Variants in PRELP observed in about 807,000 individuals in gnomAD.
PRELP encodes the protein prolargin.
A neutral mutation model predicts 22.8 loss-of-function variants in PRELP; 16 were observed. The ratio of observed to expected loss-of-function variants is 0.70; its 90% CI spans 0.47 to 1.06. PRELP has a LOEUF of 1.06. Among genes scored for constraint, PRELP ranks in the 50% least tolerant of loss-of-function variants. PRELP has a pLI of 0.00. For synonymous variants in PRELP, 233 were observed against 211.4 expected, an observed-to-expected ratio of 1.10 and a Z score of -0.89; for missense variants, 434 against 485.2, an observed-to-expected ratio of 0.89 and a Z score of 0.99.
At chr1:203,484,656 C>T (rs949671058) in intron 2 of PRELP, among the ~76,000 whole-genome samples, 1 of 152,216 alleles carries the variant, frequency 6.6e-6, no homozygotes, top group Non-Finnish European at 1.5e-5. Context: ...AAGCCTGAGC[C>T]TGGGTTTTGA....
In PRELP at chr1:203,491,022, G is replaced by A. The variant is rs1480183876; in HGVS notation, c.*4141G>A. On this transcript the variant is annotated 3_prime_UTR_variant, in exon 3 of 3. Transcript: ENST00000343110. This position sits in a 1 kb window ranked among gnomAD's most constrained non-coding sequence, Gnocchi z 4.4. ...CAAGCTAAGCCATCATATCCCCTGT[G>A]ACCTGCATGTGCACATCCAGACGGC... is the stretch of plus-strand genomic sequence containing the variant. 2.0e-5 allele frequency: 3 copies of A among 152,434 alleles called. No homozygotes were observed. The highest frequency in any genetic ancestry group is 1.3e-4 in the Admixed American group (2 of 15,286). The allele number at this position is 152,434 out of a possible 1,614,324, so 9.4% of individuals were successfully genotyped here.
intron 2 of PRELP, 49 bp downstream of exon 2, chr1:203,484,206 TGTAGCACTTCCACCCTCTCTAGGGAGA>T: frequency 6.3e-7 from 1 of 1,581,852 alleles, no homozygotes; most frequent in Non-Finnish European, 8.6e-7. Flanking sequence ...GGTTGGCTTG[TGTAGCACTTCCACCCTCTCTAGGGAGA>T]CTCAGGGTGG....
chr1:203,480,301 T>C (rs559343368), intron 1 of PRELP, among the ~76,000 whole-genome samples: 1 of 152,292 alleles, frequency 6.6e-6, no homozygotes, highest in South Asian at 2.1e-4. Flanking sequence ...AGTAGAAAGC[T>C]GTGGGTGGAG....
In PRELP at chr1:203,486,626, G is replaced by A. The variant is rs2233731; in HGVS notation, c.974-80G>A. On this transcript the variant is annotated intron_variant, in intron 2 of 2. Transcript: ENST00000343110. ...AGAGAAGTCTACAGTCCTTGCTCTC[G>A]GGTGTCTTCCCCCTTCCCCTTCCTC... The A allele has an allele frequency of 0.058, 79,246 of 1,374,428 alleles. 3,803 individuals are homozygous for A. The highest frequency in any genetic ancestry group is 0.21 in the Admixed American group (11,252 of 54,656). 85.1% of individuals were successfully genotyped at this position (1,374,428 alleles called of 1,614,324 possible). A position where few individuals can be genotyped will look rare whatever the true frequency, so the allele number is the denominator to read the frequency against.
At chr1:203,486,485 G>C (rs901556881) in intron 2 of PRELP, among the ~76,000 whole-genome samples, 2 of 152,184 alleles carry the variant, frequency 1.3e-5, no homozygotes, top group Non-Finnish European at 2.9e-5. Context: ...GAGTTAACTT[G>C]CAATAACAGT....
rs1225850900 is a variant in PRELP, at chr1:203,483,573, G to A, written c.389G>A (p.Trp130Ter). Residue 130 changes from tryptophan (W) to a stop codon, truncating the protein, a stop_gained, in exon 2 of 3, where the codon TGG (tryptophan) becomes TAG (stop). Transcript: ENST00000343110. LOFTEE classifies it high-confidence loss of function. This position sits in a 1 kb window ranked among gnomAD's most constrained non-coding sequence, Gnocchi z 4.4. The stretch of plus-strand genomic sequence containing the variant: ...TTCCAGAATGCCACAGGCCTGCGAT[G>A]GATTAACCTGGACAACAACCGAATC... ...ESFQNATGLR[W>*]INLDNNRIRK... is the part of the protein sequence containing the mutation. 5.0e-6 allele frequency: 8 copies of A among 1,614,084 alleles called. No individual in the cohort carries two copies. The highest frequency in any genetic ancestry group is 6.8e-6 in the Non-Finnish European group (8 of 1,180,052).
intron 1 of PRELP, among the ~76,000 whole-genome samples, chr1:203,481,260 C>T (rs1041159400): frequency 6.6e-6 from 1 of 151,912 alleles, no homozygotes; most frequent in African/African-American, 2.4e-5. Flanking sequence ...ATCAGGGTCA[C>T]AAAAATTGAG....
intron 2 of PRELP, among the ~76,000 whole-genome samples, chr1:203,485,512 C>T (rs1253868946): frequency 6.6e-6 from 1 of 152,162 alleles, no homozygotes; most frequent in Non-Finnish European, 1.5e-5. Flanking sequence ...GCCACTGGTA[C>T]TGTCTTTAAA....
chr1:203,482,428 A>C, intron 1 of PRELP, among the ~76,000 whole-genome samples: 1 of 146,864 alleles, frequency 6.8e-6, no homozygotes, highest in Admixed American at 6.8e-5. Context: ...ACAGGTGTCC[A>C]ACACCACACC....
chr1:203,481,272 C>CT (rs901000922), intron 1 of PRELP, among the ~76,000 whole-genome samples: 5 of 151,916 alleles, frequency 3.3e-5, no homozygotes, highest in African/African-American at 1.2e-4. Context: ...AAAATTGAGG[C>CT]TTTTAGAAAT....
chr1:203,483,088 T>A lies in PRELP; in HGVS notation c.-16-81T>A. ...CCCATCTTCCCTAGAGCTCTAGTTC[T>A]GCCCAACTCTGGCTTCAAAAACATG... On this transcript the variant is annotated intron_variant, in intron 1 of 2. Coordinates refer to ENST00000343110, the MANE Select transcript of PRELP (RefSeq NM_002725.4). The surrounding 1 kb of genome is among the most constrained non-coding windows in gnomAD (Gnocchi z 4.4). 8.5e-7 allele frequency: 1 copy of A among 1,178,290 alleles called. No homozygotes were observed. The highest frequency in any genetic ancestry group is 1.5e-5 in the South Asian group (1 of 65,250). The allele number at this position is 1,178,290 out of a possible 1,614,324, so 73.0% of individuals were successfully genotyped here. A position where few individuals can be genotyped will look rare whatever the true frequency, so the allele number is the denominator to read the frequency against.
chr1:203,479,696 C>G (rs1474961087), intron 1 of PRELP, among the ~76,000 whole-genome samples: 3 of 111,100 alleles, frequency 2.7e-5, no homozygotes, highest in Non-Finnish European at 5.1e-5. Flanking sequence ...AAAGGGAGAC[C>G]CTGTATCACC....
rs1050083 is a variant in PRELP at position 203,486,970 on chromosome 1, T to A, written c.*89T>A. ...CGGCCATTCGTTTTCTCTCTCTCCC[T>A]TTCTTTCTCCCAGCTTTGCCTCCCT... On this transcript the variant is annotated 3_prime_UTR_variant, in exon 3 of 3. Transcript: ENST00000343110. The A allele has an allele frequency of 7.3e-7, 1 of 1,363,638 alleles. No homozygotes were observed. The highest frequency in any genetic ancestry group is 2.6e-5 in the East Asian group (1 of 38,644). 84.5% of individuals were successfully genotyped at this position (1,363,638 alleles called of 1,614,324 possible). A position where few individuals can be genotyped will look rare whatever the true frequency, so the allele number is the denominator to read the frequency against.
intron 1 of PRELP, among the ~76,000 whole-genome samples, chr1:203,481,492 G>A (rs1288366595): frequency 6.6e-6 from 1 of 152,174 alleles, no homozygotes; most frequent in African/African-American, 2.4e-5. Context: ...CTCTGACAAT[G>A]TTATATCCTT....
intron 1 of PRELP, among the ~76,000 whole-genome samples, chr1:203,481,265 A>G (rs1323730119): frequency 6.6e-6 from 1 of 152,172 alleles, no homozygotes; most frequent in Non-Finnish European, 1.5e-5. Flanking sequence ...GGTCACAAAA[A>G]TTGAGGCTTT....
chr1:203,479,673 T>C (rs975792854), intron 1 of PRELP, among the ~76,000 whole-genome samples: 11 of 122,758 alleles, frequency 9.0e-5, no homozygotes, highest in African/African-American at 3.2e-4. Context: ...TACTGCACTC[T>C]AGCCTGGTCA....
chr1:203,477,301 C>T (rs1463290277), intron 1 of PRELP, among the ~76,000 whole-genome samples: 9 of 152,128 alleles, frequency 5.9e-5, no homozygotes, highest in East Asian at 1.9e-4. Flanking sequence ...CCCAAGACTC[C>T]GGCAGTGTTA....
chr1:203,485,441 A>G (rs1276689649), intron 2 of PRELP, among the ~76,000 whole-genome samples: 1 of 152,146 alleles, frequency 6.6e-6, no homozygotes, highest in Non-Finnish European at 1.5e-5. Flanking sequence ...ACCCGACAGA[A>G]TGGGCTGAGT....
Position 203,483,564 on chromosome 1 carries a change from G to A in PRELP, c.380G>A (p.Gly127Asp). 6.2e-7 allele frequency: 1 copy of A among 1,614,202 alleles called. No homozygotes were observed. Among genetic ancestry groups the A allele is most frequent in the South Asian group, 1.1e-5 (1 of 91,080 alleles). The change falls in exon 2 of 3, where the codon GGC (glycine) becomes GAC (aspartate). Residue 127 changes from glycine to aspartate, a missense_variant. Transcript: ENST00000343110. The surrounding 1 kb of genome is among the most constrained non-coding windows in gnomAD (Gnocchi z 4.4). Reference sequence around the variant, plus strand: ...GTGGAGTCCTTCCAGAATGCCACAGGCCTGCGATGGATTAACCTGGACAAC... The same window carrying A: ...GTGGAGTCCTTCCAGAATGCCACAGACCTGCGATGGATTAACCTGGACAAC... ...LPVESFQNAT[G>D]LRWINLDNNR...
Sources: allele counts gnomAD v4.1 joint callset (sites outside exome capture counted in the v4.1 genomes callset), GRCh38; gene constraint gnomAD v4.1.1; non-coding constraint Gnocchi (gnomAD v3.1); transcripts MANE v1.5; gene names NCBI Gene and HGNC (gene_info 2026-07-23, HGNC 2026-07-21).